RAB8B: variants seen among roughly 807,000 people sequenced by gnomAD.
The protein encoded by RAB8B is ras-related protein Rab-8B.
RAB8B carries 11 observed loss-of-function variants against 32.0 expected under a neutral mutation model. That is an observed-to-expected ratio of 0.34 (90% CI 0.22 to 0.57). The LOEUF is 0.57. RAB8B is among the 20% of genes least tolerant of loss of function. The pLI is 0.86. For missense variants in RAB8B, 190 were observed against 258.5 expected, an observed-to-expected ratio of 0.73 and a Z score of 1.82; for synonymous variants, 103 against 89.6, an observed-to-expected ratio of 1.15 and a Z score of -0.85.
At chr15:63,218,958 T>G (rs2037816446) in intron 1 of RAB8B, among the ~76,000 whole-genome samples, 2 of 147,820 alleles carry the variant, frequency 1.4e-5, no homozygotes, top group Admixed American at 1.3e-4. Flanking sequence ...TTTTTCTCTC[T>G]CTCACTAAAA....
chr15:63,255,535 A>G lies in RAB8B; in HGVS notation c.275A>G (p.Asn92Ser). Residue 92 changes from asparagine to serine, a missense_variant, in exon 4 of 8, where the codon AAT (asparagine) becomes AGT (serine). Coordinates refer to ENST00000321437, the MANE Select transcript of RAB8B (RefSeq NM_016530.3). ...ATTATGCTGGTCTATGACATCACAA[A>G]TGAAAAATCCTTTGACAATATTAAA... ...MGIMLVYDIT[N>S]EKSFDNIKNW... 1 of 1,606,450 alleles carries G rather than the reference A, an allele frequency of 6.2e-7. No individual in the cohort carries two copies.
At position 63,263,659 on chromosome 15, in the gene RAB8B, C is replaced by G; in HGVS notation, c.*40C>G. 6.7e-7 allele frequency: 1 copy of G among 1,495,418 alleles called. No homozygotes were observed. The highest frequency in any genetic ancestry group is 9.3e-7 in the Non-Finnish European group (1 of 1,074,218). 92.6% of individuals were successfully genotyped at this position (1,495,418 alleles called of 1,614,324 possible). ...GAGACTGCAGCACACCTAGAGGGCC[C>G]TTTCCTGCTTCTCTGAAAGCACAGG... On this transcript the variant is annotated 3_prime_UTR_variant, in exon 8 of 8. Transcript: ENST00000321437.
chr15:63,219,004 ATTTTT>A lies in RAB8B; in HGVS notation c.125-25727_125-25723del, dbSNP rs71131152. 1.5e-3 allele frequency among the ~76,000 whole-genome samples: 146 copies of A among 94,662 alleles called. 1 individual carries two copies. Among genetic ancestry groups the A allele is most frequent in the Middle Eastern group, 7.6e-3 (1 of 132 alleles). 62.1% of individuals were successfully genotyped at this position (94,662 alleles called of 152,430 possible). ...AAATGATCTTTTCTTCCAGCAGTGGATTTTTTTTTTTTTTTTTTTTTTTTTTTTTA... is the reference window on the plus strand; with the variant it reads ...AAATGATCTTTTCTTCCAGCAGTGGATTTTTTTTTTTTTTTTTTTTTTTTA... On this transcript the variant is annotated intron_variant, in intron 1 of 7. Transcript: ENST00000321437.
chr15:63,196,952 T>C (rs2037605497), intron 1 of RAB8B, among the ~76,000 whole-genome samples: 1 of 152,200 alleles, frequency 6.6e-6, no homozygotes, highest in Non-Finnish European at 1.5e-5. Context: ...GGGTTTGCAT[T>C]ATAAGAGCCA....
intron 1 of RAB8B, among the ~76,000 whole-genome samples, chr15:63,215,803 G>A (rs1370957269): frequency 6.6e-6 from 1 of 152,130 alleles, no homozygotes; most frequent in Non-Finnish European, 1.5e-5. Context: ...TTGGGAGGCT[G>A]AGGCAGGATG....
At chr15:63,227,332 A>T (rs1339785312) in intron 1 of RAB8B, among the ~76,000 whole-genome samples, 2 of 152,186 alleles carry the variant, frequency 1.3e-5, no homozygotes, top group Admixed American at 6.5e-5. Flanking sequence ...TGACCACTAG[A>T]TACAGAAATC....
chr15:63,217,698 C>T (rs997388247), intron 1 of RAB8B, among the ~76,000 whole-genome samples: 13 of 152,154 alleles, frequency 8.5e-5, no homozygotes, highest in Non-Finnish European at 1.5e-4. Flanking sequence ...TATTTTATTA[C>T]CTTTAGCTTG....
intron 2 of RAB8B, among the ~76,000 whole-genome samples, chr15:63,245,133 A>G (rs970374207): frequency 5.9e-5 from 9 of 152,242 alleles, no homozygotes; most frequent in African/African-American, 2.2e-4. Context: ...TGTAGTTTTG[A>G]AATCTGATAA....
intron 1 of RAB8B, among the ~76,000 whole-genome samples, chr15:63,233,492 T>C (rs552594525): frequency 2.0e-5 from 3 of 152,326 alleles, no homozygotes; most frequent in Admixed American, 2.0e-4. Context: ...ATTTTTCTAA[T>C]TAGAGATTTC....
chr15:63,208,605 G>A (rs1454814524), intron 1 of RAB8B, among the ~76,000 whole-genome samples: 1 of 152,076 alleles, frequency 6.6e-6, no homozygotes, highest in African/African-American at 2.4e-5. Flanking sequence ...AAATTAAAAA[G>A]TGTAAGATTA....
chr15:63,250,016 G>T (rs1162438959), intron 3 of RAB8B, among the ~76,000 whole-genome samples: 1 of 152,018 alleles, frequency 6.6e-6, no homozygotes, highest in South Asian at 2.1e-4. Flanking sequence ...GGCGCCTGTA[G>T]TCCCAGCTAC....
chr15:63,208,484 A>G (rs760984249), intron 1 of RAB8B, among the ~76,000 whole-genome samples: 8 of 152,244 alleles, frequency 5.3e-5, no homozygotes, highest in Middle Eastern at 3.4e-3. Flanking sequence ...TAAGGGAGGT[A>G]AGTTTTCTCC....
intron 1 of RAB8B, among the ~76,000 whole-genome samples, chr15:63,199,284 G>A (rs2037628352): frequency 6.6e-6 from 1 of 152,184 alleles, no homozygotes; most frequent in Admixed American, 6.5e-5. Flanking sequence ...TGGATAAAGA[G>A]TTAGAAATGT....
intron 3 of RAB8B, chr15:63,251,385 T>C: frequency 2.2e-6 from 1 of 447,446 alleles, no homozygotes; most frequent in Non-Finnish European, 4.5e-6. Flanking sequence ...TGCCTTTCTG[T>C]TGAGCAGTTT....
Position 63,219,255 on chromosome 15 carries a change from G to A in RAB8B, c.125-25501G>A, listed in dbSNP as rs147949541. ...AGAGATTGTAGTGAGCTGAGATCAC[G>A]CCACTGCACTCCAGCCTGGCAAAGG... On this transcript the variant is annotated intron_variant, in intron 1 of 7. Coordinates refer to ENST00000321437, the MANE Select transcript of RAB8B (RefSeq NM_016530.3). 5.6e-3 allele frequency among the ~76,000 whole-genome samples: 823 copies of A among 147,992 alleles called. 7 individuals carry two copies. Among genetic ancestry groups the A allele is most frequent in the African/African-American group, 0.018 (731 of 40,022 alleles).
chr15:63,246,022 G>A (rs931162937), intron 2 of RAB8B, among the ~76,000 whole-genome samples: 20 of 152,174 alleles, frequency 1.3e-4, no homozygotes, highest in South Asian at 2.1e-4. Context: ...ACAGGCATGC[G>A]CTACCACGCC....
chr15:63,201,313 T>A (rs975248012), intron 1 of RAB8B, among the ~76,000 whole-genome samples: 1 of 152,144 alleles, frequency 6.6e-6, no homozygotes, highest in African/African-American at 2.4e-5. Context: ...TAGGAGGGAA[T>A]TATATCTCAG....
chr15:63,264,728 T>C lies in RAB8B; in HGVS notation c.*1109T>C, dbSNP rs1412927094. The C allele has an allele frequency of 1.3e-5, 2 of 152,246 alleles. No homozygotes were observed. The highest frequency in any genetic ancestry group is 4.8e-5 in the African/African-American group (2 of 41,460). The allele number at this position is 152,246 out of a possible 1,614,324, so 9.4% of individuals were successfully genotyped here. On this transcript the variant is annotated 3_prime_UTR_variant, in exon 8 of 8. Transcript: ENST00000321437. ...GAAAATAATGAGTTTTGGTTGGTTT[T>C]ATTTGGCAGATGTTTTTAGAAATAA...
At chr15:63,243,518 G>A (rs76318935) in intron 1 of RAB8B, among the ~76,000 whole-genome samples, 2 of 152,134 alleles carry the variant, frequency 1.3e-5, no homozygotes, top group African/African-American at 2.4e-5. Context: ...CTACCATAGT[G>A]GGGGGAAATA....
Sources: gnomAD v4.1 joint callset for allele counts (sites outside exome capture counted in the v4.1 genomes callset) on GRCh38, gnomAD v4.1.1 for gene constraint, MANE v1.5 for transcripts, NCBI Gene and HGNC (gene_info 2026-07-23, HGNC 2026-07-21) for gene names.